Variants in ELOVL2 observed in about 807,000 individuals in gnomAD.
ELOVL2 encodes the protein very long chain fatty acid elongase 2.
A neutral mutation model predicts 37.7 loss-of-function variants in ELOVL2; 38 were observed. That is an observed-to-expected ratio of 1.01 (90% CI 0.78 to 1.32). ELOVL2 has a LOEUF of 1.32. Among genes scored for constraint, ELOVL2 ranks in the 40% most tolerant of loss-of-function variants. ELOVL2 has a pLI of 0.00. For synonymous variants in ELOVL2, 115 were observed against 122.3 expected (o/e 0.94, Z 0.40); for missense variants, 352 against 363.6 (o/e 0.97, Z 0.26).
intron 3 of ELOVL2, among the ~76,000 whole-genome samples, chr6:11,004,958 A>G (rs1179678483): frequency 6.6e-6 from 1 of 152,192 alleles, no homozygotes; most frequent in African/African-American, 2.4e-5. Context: ...CAGGAGTTCA[A>G]GACCAGCCTG....
At chr6:11,036,522 G>A (rs977762810) in intron 1 of ELOVL2, among the ~76,000 whole-genome samples, 1 of 152,186 alleles carries the variant, frequency 6.6e-6, no homozygotes, top group African/African-American at 2.4e-5. Flanking sequence ...TAGCCCACAT[G>A]TACCATTTCG....
chr6:11,032,237 A>G (rs749435258), intron 1 of ELOVL2, among the ~76,000 whole-genome samples: 1 of 152,004 alleles, frequency 6.6e-6, no homozygotes, highest in East Asian at 1.9e-4. Context: ...CTTCAAGGCC[A>G]TAAGTTGTTC....
At chr6:11,028,774 T>A (rs2113553573) in intron 1 of ELOVL2, among the ~76,000 whole-genome samples, 1 of 152,128 alleles carries the variant, frequency 6.6e-6, no homozygotes, top group South Asian at 2.1e-4. Context: ...GCACATTATA[T>A]CCTATTATCT....
At chr6:10,993,588 G>C (rs990686367) in intron 5 of ELOVL2, among the ~76,000 whole-genome samples, 1 of 152,166 alleles carries the variant, frequency 6.6e-6, no homozygotes, top group African/African-American at 2.4e-5. Flanking sequence ...CAAACAACTG[G>C]TTGGAATTAA....
chr6:10,998,230 A>G (rs1044655653), intron 4 of ELOVL2, among the ~76,000 whole-genome samples: 24 of 152,170 alleles, frequency 1.6e-4, no homozygotes, highest in African/African-American at 5.8e-4. Context: ...AGCCAAAATG[A>G]AACTCTATAA....
intron 1 of ELOVL2, among the ~76,000 whole-genome samples, chr6:11,039,770 T>C (rs1783072025): frequency 6.6e-6 from 1 of 152,234 alleles, no homozygotes; most frequent in African/African-American, 2.4e-5. Context: ...TTTTCTTGAG[T>C]GGATCATTTT....
At chr6:10,998,177 T>C (rs1007201236) in intron 4 of ELOVL2, among the ~76,000 whole-genome samples, 5 of 152,112 alleles carry the variant, frequency 3.3e-5, no homozygotes, top group Admixed American at 6.6e-5. Context: ...TCATCAGAAG[T>C]AGATACCAGC....
intron 1 of ELOVL2, among the ~76,000 whole-genome samples, chr6:11,031,652 CTGTA>C (rs1782931801): frequency 6.6e-6 from 1 of 152,238 alleles, no homozygotes; most frequent in East Asian, 1.9e-4. Context: ...AAGAAAAAAT[CTGTA>C]TGGTGTCTTC....
rs186558516 is a variant in ELOVL2 at position 10,983,154 on chromosome 6, T to C, written c.*627A>G. 6.6e-6 allele frequency: 1 copy of C among 152,330 alleles called. No individual in the cohort carries two copies. Among genetic ancestry groups the C allele is most frequent in the African/African-American group, 2.4e-5 (1 of 41,580 alleles). 9.4% of individuals were successfully genotyped at this position (152,330 alleles called of 1,614,324 possible). Reference sequence around the variant, plus strand: ...TCCTTAGAATAACTAATATTTAAAATAAATACCAATTTCATTACCATATCA... The same window carrying C: ...TCCTTAGAATAACTAATATTTAAAACAAATACCAATTTCATTACCATATCA... On this transcript the variant is annotated 3_prime_UTR_variant, in exon 8 of 8. Transcript: ENST00000354666.
chr6:10,985,518 T>C (rs1445698021), intron 7 of ELOVL2, among the ~76,000 whole-genome samples: 1 of 147,096 alleles, frequency 6.8e-6, no homozygotes, highest in Non-Finnish European at 1.5e-5. Context: ...CTTGAAGTAA[T>C]TTTTGTATAA....
rs1349797477 is a variant in ELOVL2, at chr6:11,005,275, A to C, written c.255+97T>G. On this transcript the variant is annotated intron_variant, in intron 3 of 7. Transcript: ENST00000354666. ...GCTGGAATAAGTTTTTAGGTCTTAAAGTAACCTTGCATAGTTCTGCCAGGC... is the reference window on the plus strand; with the variant it reads ...GCTGGAATAAGTTTTTAGGTCTTAACGTAACCTTGCATAGTTCTGCCAGGC... 5.5e-6 allele frequency: 6 copies of C among 1,090,204 alleles called. No individual in the cohort carries two copies. In the African/African-American group the frequency reaches 9.5e-5, roughly 17 times the overall value. The allele number at this position is 1,090,204 out of a possible 1,614,324, so 67.5% of individuals were successfully genotyped here.
chr6:11,014,190 A>G (rs1782632739), intron 1 of ELOVL2, among the ~76,000 whole-genome samples: 2 of 152,250 alleles, frequency 1.3e-5, no homozygotes, highest in African/African-American at 4.8e-5. Context: ...AAAACAGTTC[A>G]GTAGTTTGGT....
At chr6:10,991,132 G>T (rs1333381274) in intron 5 of ELOVL2, among the ~76,000 whole-genome samples, 2 of 152,352 alleles carry the variant, frequency 1.3e-5, no homozygotes, top group Non-Finnish European at 2.9e-5. Context: ...GGTGAATAAG[G>T]CTTCAGGAAA....
intron 7 of ELOVL2, among the ~76,000 whole-genome samples, chr6:10,985,560 A>T (rs1782035374): frequency 6.6e-6 from 1 of 151,220 alleles, no homozygotes; most frequent in African/African-American, 2.4e-5. Context: ...TCAGCTTTCT[A>T]CATATGGCTA....
intron 1 of ELOVL2, among the ~76,000 whole-genome samples, chr6:11,025,684 T>C (rs1439904499): frequency 6.6e-6 from 1 of 152,218 alleles, no homozygotes; most frequent in Non-Finnish European, 1.5e-5. Flanking sequence ...AAATTTTCTT[T>C]AAAAAGTTTA....
At chr6:11,014,186 G>C (rs1433714018) in intron 1 of ELOVL2, among the ~76,000 whole-genome samples, 1 of 152,184 alleles carries the variant, frequency 6.6e-6, no homozygotes, top group African/African-American at 2.4e-5. Flanking sequence ...TTGCAAAACA[G>C]TTCAGTAGTT....
At chr6:11,022,249 G>A (rs1411810369) in intron 1 of ELOVL2, among the ~76,000 whole-genome samples, 1 of 152,212 alleles carries the variant, frequency 6.6e-6, no homozygotes, top group Non-Finnish European at 1.5e-5. Context: ...GTTGTGTCCA[G>A]CTAGACAAGA....
intron 1 of ELOVL2, among the ~76,000 whole-genome samples, chr6:11,022,965 T>C (rs1782787587): frequency 6.6e-6 from 1 of 152,254 alleles, no homozygotes; most frequent in African/African-American, 2.4e-5. Flanking sequence ...CTTGCTTTAA[T>C]TTCAAGTGAA....
chr6:11,008,635 G>C (rs920913952), intron 2 of ELOVL2, among the ~76,000 whole-genome samples: 2 of 152,110 alleles, frequency 1.3e-5, no homozygotes, highest in Non-Finnish European at 2.9e-5. Context: ...CCTCTACACT[G>C]AGCTGTTCTC....
Sources: gnomAD v4.1 joint callset for allele counts (sites outside exome capture counted in the v4.1 genomes callset) on GRCh38, gnomAD v4.1.1 for gene constraint, MANE v1.5 for transcripts, NCBI Gene and HGNC (gene_info 2026-07-23, HGNC 2026-07-21) for gene names.